The following CXCR4 variants were observed in gnomAD, a reference collection of about 807,000 sequenced individuals.
CXCR4 encodes C-X-C motif chemokine receptor 4, also known as C-X-C chemokine receptor type 4.
In CXCR4, 6 loss-of-function variants were observed where a neutral mutation model predicts 22.4. The ratio of observed to expected loss-of-function variants is 0.27; its 90% confidence interval spans 0.15 to 0.53. The LOEUF is 0.53. Among genes scored for constraint, CXCR4 ranks in the 20% least tolerant of loss-of-function variants. The pLI is 0.96. For synonymous variants in CXCR4, 155 were observed against 171.7 expected (o/e 0.90, Z 0.76); for missense variants, 300 against 430.4 (o/e 0.70, Z 2.68).
chr2:136,117,629 A>G (rs1684948869), intron 1 of CXCR4: 1 of 167,826 alleles, frequency 6.0e-6, no homozygotes, highest in Admixed American at 6.4e-5. Context: ...CCGCCTCTAA[A>G]TTCAGACAAT....
chr2:136,116,351 A>C (rs1384347278), intron 1 of CXCR4: 6 of 466,672 alleles, frequency 1.3e-5, no homozygotes, highest in Non-Finnish European at 1.5e-5. Flanking sequence ...TTTTGTAAGA[A>C]GTTTTTCGCC....
intron 1 of CXCR4, chr2:136,116,312 G>C (rs1261884088): frequency 1.0e-6 from 1 of 972,684 alleles, no homozygotes; most frequent in Non-Finnish European, 1.3e-6. Flanking sequence ...GGGTGGGGTG[G>C]GTGCTGCTAG....
In CXCR4 at chr2:136,115,499, G is replaced by C; in HGVS notation, c.429C>G (p.Asn143Lys). ...CCAACAGCTTCCTTGGCCTCTGACT[G>C]TTGGTGGCGTGGACGATGGCCAGGT... ...DRYLAIVHAT[N>K]SQRPRKLLAE... Residue 143 changes from asparagine (N) to lysine (K), a missense_variant, in exon 2 of 2, where the codon AAC (asparagine) becomes AAG (lysine). Physicochemically the swap from Asn to Lys is moderately conservative, Grantham distance 94. Transcript: ENST00000241393. The surrounding 1 kb of genome is among the most constrained non-coding windows in gnomAD (Gnocchi z 6.4). 6.2e-7 allele frequency: 1 copy of C among 1,614,236 alleles called. No homozygotes were observed. The highest frequency in any genetic ancestry group is 1.1e-5 in the South Asian group (1 of 91,090).
intron 1 of CXCR4, chr2:136,117,499 T>C (rs1684937172): frequency 1.3e-5 from 2 of 153,830 alleles, no homozygotes; most frequent in Admixed American, 6.5e-5. Context: ...CACAGCTCCG[T>C]CGGCCGCACA....
chr2:136,114,777 CTG>C lies in CXCR4; in HGVS notation c.*90_*91del, dbSNP rs1388306342. On this transcript the variant is annotated 3_prime_UTR_variant, in exon 2 of 2. Coordinates refer to ENST00000241393, the MANE Select transcript of CXCR4 (RefSeq NM_003467.3). ...ACAAAAATCCAACAAGCAATAAAAA[CTG>C]TACAATATTGGTCAGTCTTTTATAT... 3.5e-6 allele frequency: 4 copies of C among 1,131,816 alleles called. No homozygotes were observed. The African/African-American group carries it at 4.8e-5, about 13-fold the overall frequency. The allele number at this position is 1,131,816 out of a possible 1,614,324, so 70.1% of individuals were successfully genotyped here.
chr2:136,117,730 C>G, intron 1 of CXCR4: 1 of 346,186 alleles, frequency 2.9e-6, no homozygotes, highest in Non-Finnish European at 5.3e-6. Flanking sequence ...TGCACTTGTG[C>G]ACAGAATGTT....
chr2:136,116,370 G>A, intron 1 of CXCR4: 2 of 282,044 alleles, frequency 7.1e-6, no homozygotes, highest in Non-Finnish European at 1.2e-5. Context: ...CCCAGGGAGG[G>A]AAGAGGGGAG....
chr2:136,117,203 C>T (rs1684921776), intron 1 of CXCR4, among the ~76,000 whole-genome samples: 1 of 152,122 alleles, frequency 6.6e-6, no homozygotes, highest in Admixed American at 6.5e-5. Context: ...CGTACCCGCT[C>T]CTATCCCCGG....
At chr2:136,117,075 T>G in intron 1 of CXCR4, among the ~76,000 whole-genome samples, 1 of 152,220 alleles carries the variant, frequency 6.6e-6, no homozygotes, top group African/African-American at 2.4e-5. Flanking sequence ...CCACCGACGG[T>G]TAAACATCAC....
At position 136,115,159 on chromosome 2, in the gene CXCR4, T is replaced by G. The variant is rs749571357; in HGVS notation, c.769A>C (p.Ile257Leu). The G allele has an allele frequency of 6.2e-7, 1 of 1,614,120 alleles. No individual in the cohort carries two copies. The highest frequency in any genetic ancestry group is 8.5e-7 in the Non-Finnish European group (1 of 1,180,026). The change falls in exon 2 of 2, where the codon ATT (isoleucine) becomes CTT (leucine). Residue 257 changes from isoleucine (I) to leucine (L), a missense_variant. Physicochemically the swap from Ile to Leu is conservative, Grantham distance 5. Around this residue, in one of 3 missense-constraint regions of CXCR4, gnomAD observed 137 missense variants for 153.2 expected, o/e 0.89. Transcript: ENST00000241393. This position sits in a 1 kb window ranked among gnomAD's most constrained non-coding sequence, Gnocchi z 6.4. ...AFFACWLPYY[I>L]GISIDSFILL... ...ATGAAGGAGTCGATGCTGATCCCAA[T>G]GTAGTAAGGCAGCCAACAGGCGAAG...
chr2:136,117,995 A>T, intron 1 of CXCR4, 51 bp downstream of exon 1: 1 of 1,598,646 alleles, frequency 6.3e-7, no homozygotes, highest in Non-Finnish European at 8.6e-7. Context: ...GCTGCGCTCT[A>T]AGTTCAAACG....
intron 1 of CXCR4, among the ~76,000 whole-genome samples, chr2:136,116,684 T>C (rs1331590981): frequency 6.6e-6 from 1 of 152,166 alleles, no homozygotes; most frequent in East Asian, 1.9e-4. Context: ...GAGCGGGGCA[T>C]TTTCCTGGGT....
In CXCR4 at chr2:136,114,995, G is replaced by C. The variant is rs1350792475; in HGVS notation, c.933C>G (p.Thr311=). Residue 311 remains threonine (T), a synonymous_variant, in exon 2 of 2, where the codon ACC becomes ACG. Coordinates refer to ENST00000241393, the MANE Select transcript of CXCR4 (RefSeq NM_003467.3). The part of the protein sequence containing the change: ...LYAFLGAKFK[T]SAQHALTSVS... Reference sequence around the variant, plus strand: ...CAGAGGTGAGTGCGTGCTGGGCAGAGGTTTTAAATTTGGCTCCAAGGAAAG... The same window carrying C: ...CAGAGGTGAGTGCGTGCTGGGCAGACGTTTTAAATTTGGCTCCAAGGAAAG... 2 of 1,614,082 alleles carry C rather than the reference G, an allele frequency of 1.2e-6. No homozygotes were observed. The highest frequency in any genetic ancestry group is 1.7e-5 in the Admixed American group (1 of 60,006).
chr2:136,116,739 T>TCC (rs1237346727), intron 1 of CXCR4, among the ~76,000 whole-genome samples: 27 of 152,282 alleles, frequency 1.8e-4, no homozygotes, highest in African/African-American at 6.3e-4. Context: ...GCCCCAAGTT[T>TCC]CATTTCCTCA....
At chr2:136,116,116 T>C in intron 1 of CXCR4, 3 of 1,472,178 alleles carry the variant, frequency 2.0e-6, no homozygotes, top group Non-Finnish European at 2.7e-6. Flanking sequence ...GACTTCATTA[T>C]ATCCTTCTTT....
Position 136,115,438 on chromosome 2 carries a change from C to T in CXCR4, c.490G>A (p.Ala164Thr), listed in dbSNP as rs2104917387. ...KVVYVGVWIP[A>T]LLLTIPDFIF... ...AAGTCGGGAATAGTCAGCAGGAGGG[C>T]AGGGATCCAGACGCCAACATAGACC... The change falls in exon 2 of 2, where the codon GCC (alanine) becomes ACC (threonine). Residue 164 changes from alanine to threonine, a missense_variant. This residue lies in a region of CXCR4 where 137 missense variants were observed against 153.2 expected (regional missense o/e 0.89). Transcript: ENST00000241393. This position sits in a 1 kb window ranked among gnomAD's most constrained non-coding sequence, Gnocchi z 6.4. The T allele has an allele frequency of 6.2e-7, 1 of 1,614,178 alleles. No individual in the cohort carries two copies. Among genetic ancestry groups the T allele is most frequent in the Non-Finnish European group, 8.5e-7 (1 of 1,180,034 alleles).
At chr2:136,117,394 C>G (rs528030793) in intron 1 of CXCR4, 4 of 152,222 alleles carry the variant, frequency 2.6e-5, no homozygotes, top group East Asian at 1.9e-4. Context: ...GGCGGATCAA[C>G]TCCTAGCTGC....
rs2680880 is a variant in CXCR4 at position 136,115,979 on chromosome 2, A to T, written c.16-67T>A. ...GCAAGCATTAACCCAGTTAAAAAAA[A>T]TTTTTAAAGCAATTTAAAAAACCAA... On this transcript the variant is annotated intron_variant, in intron 1 of 1. Coordinates refer to ENST00000241393, the MANE Select transcript of CXCR4 (RefSeq NM_003467.3). The surrounding 1 kb of genome is among the most constrained non-coding windows in gnomAD (Gnocchi z 6.4). 0.5 allele frequency: 804,614 copies of T among 1,611,214 alleles called. 230,646 individuals carry two copies. The highest frequency in any genetic ancestry group is 0.59 in the Non-Finnish European group (694,958 of 1,178,750).
rs759273233 is a variant in CXCR4 at position 136,114,841 on chromosome 2, G to A, written c.*28C>T. ...GTAACTTAAAAAAAAGTTATTTATCGTATAAAAAAAAGTCTTTTACATCTG... is the reference window on the plus strand; with the variant it reads ...GTAACTTAAAAAAAAGTTATTTATCATATAAAAAAAAGTCTTTTACATCTG... On this transcript the variant is annotated 3_prime_UTR_variant, in exon 2 of 2. Coordinates refer to ENST00000241393, the MANE Select transcript of CXCR4 (RefSeq NM_003467.3). The A allele has an allele frequency of 9.6e-6, 15 of 1,557,704 alleles. No individual in the cohort carries two copies. The highest frequency in any genetic ancestry group is 7.2e-5 in the East Asian group (3 of 41,732).
Sources: gnomAD v4.1 joint callset for allele counts (sites outside exome capture counted in the v4.1 genomes callset) on GRCh38, gnomAD v4.1.1 for gene constraint, gnomAD v4.1.1 regional missense constraint, Gnocchi (gnomAD v3.1) non-coding constraint, MANE v1.5 for transcripts, NCBI Gene and HGNC (gene_info 2026-07-23, HGNC 2026-07-21) for gene names.